WIPF3: variants seen among roughly 807,000 people sequenced by gnomAD.
WIPF3 encodes WAS/WASL-interacting protein family member 3.
A neutral mutation model predicts 38.9 loss-of-function variants in WIPF3; 33 were observed. The observed-to-expected ratio is 0.85, with a 90% CI of 0.64 to 1.14. The LOEUF is 1.14. Ranked by LOEUF, WIPF3 falls within the 50% of genes most tolerant of loss-of-function variation. The pLI, the probability that WIPF3 is intolerant of heterozygous loss-of-function variation, is 0.00. For missense variants in WIPF3, 711 were observed against 652.5 expected, an observed-to-expected ratio of 1.09 and a Z score of -0.98; for synonymous variants, 324 against 269.3, an observed-to-expected ratio of 1.20 and a Z score of -1.99.
At chr7:29,898,425 C>T (rs573203810) in intron 7 of WIPF3, among the ~76,000 whole-genome samples, 1 of 152,298 alleles carries the variant, frequency 6.6e-6, no homozygotes, top group South Asian at 2.1e-4. Flanking sequence ...TGAATTGTTG[C>T]TGGAACCTGC....
At chr7:29,834,585 A>G (rs1583595889) in intron 1 of WIPF3, 83 bp from the exon 2 acceptor site, 1 of 1,200,328 alleles carries the variant, frequency 8.3e-7, no homozygotes, top group East Asian at 3.3e-5. Context: ...AGCTGACTAT[A>G]ATATGCATGT....
intron 5 of WIPF3, among the ~76,000 whole-genome samples, chr7:29,887,278 C>T (rs1021420618): frequency 6.6e-6 from 1 of 152,186 alleles, no homozygotes; most frequent in African/African-American, 2.4e-5. Flanking sequence ...TAGTTGTGAA[C>T]ATCTTAGCAC....
At chr7:29,881,020 C>T (rs559289154) in intron 4 of WIPF3, among the ~76,000 whole-genome samples, 1 of 152,292 alleles carries the variant, frequency 6.6e-6, no homozygotes, top group South Asian at 2.1e-4. Context: ...GTTGCTGCCA[C>T]TGGGCGCTTG....
chr7:29,881,239 G>C (rs1269743009), intron 4 of WIPF3, among the ~76,000 whole-genome samples: 2 of 152,172 alleles, frequency 1.3e-5, no homozygotes, highest in Admixed American at 1.3e-4. Context: ...GGCACCACCT[G>C]ACATATCATG....
At chr7:29,812,247 A>AT (rs1209420310) in intron 1 of WIPF3, among the ~76,000 whole-genome samples, 1 of 152,194 alleles carries the variant, frequency 6.6e-6, no homozygotes, top group Non-Finnish European at 1.5e-5. Context: ...CCAGATGTGA[A>AT]TTGTAGCAGC....
chr7:29,898,537 G>T (rs146332388), intron 7 of WIPF3, among the ~76,000 whole-genome samples: 1 of 151,980 alleles, frequency 6.6e-6, no homozygotes, highest in Non-Finnish European at 1.5e-5. Context: ...TCCCCATCTC[G>T]CCCCAAGTCA....
At chr7:29,904,585 C>A in intron 8 of WIPF3, 4 of 500,662 alleles carry the variant, frequency 8.0e-6, no homozygotes, top group Non-Finnish European at 1.4e-5. Context: ...ATCACCACTA[C>A]ATATAGAAGC....
At chr7:29,869,063 C>T (rs117194953) in intron 2 of WIPF3, among the ~76,000 whole-genome samples, 2 of 151,554 alleles carry the variant, frequency 1.3e-5, no homozygotes, top group Non-Finnish European at 2.9e-5. Context: ...GAGTTTCACT[C>T]GTGTTGCCCA....
At chr7:29,846,847 C>T (rs1562776429) in intron 2 of WIPF3, among the ~76,000 whole-genome samples, 1 of 152,234 alleles carries the variant, frequency 6.6e-6, no homozygotes, top group Non-Finnish European at 1.5e-5. Flanking sequence ...GTATTAAAAA[C>T]AAAACGTGGA....
intron 1 of WIPF3, among the ~76,000 whole-genome samples, chr7:29,824,623 C>T (rs1389670153): frequency 6.6e-6 from 1 of 151,670 alleles, no homozygotes; most frequent in Non-Finnish European, 1.5e-5. Context: ...GGAGGAGGCC[C>T]AGAACACAGT....
At chr7:29,838,505 C>A (rs1349030317) in intron 2 of WIPF3, among the ~76,000 whole-genome samples, 1 of 152,050 alleles carries the variant, frequency 6.6e-6, no homozygotes, top group Non-Finnish European at 1.5e-5. Flanking sequence ...TTTTTTATGA[C>A]AGCAGATTCA....
rs528311119 is a variant in WIPF3, at chr7:29,898,010, C to T, written c.1352-6276C>T. On this transcript the variant is annotated intron_variant, in intron 7 of 8. Transcript: ENST00000242140. Reference sequence around the variant, plus strand: ...TTTTCTGCTCTTCTCTTAGCCAACACTGCCTCCACTTCCCCACCCCCTGTT... The same window carrying T: ...TTTTCTGCTCTTCTCTTAGCCAACATTGCCTCCACTTCCCCACCCCCTGTT... Among the ~76,000 whole-genome samples, 9 of 152,298 alleles carry T rather than the reference C, an allele frequency of 5.9e-5. No individual in the cohort carries two copies. In the East Asian group the frequency reaches 1.7e-3, roughly 29 times the overall value.
chr7:29,870,817 C>T (rs952671748), intron 2 of WIPF3, among the ~76,000 whole-genome samples: 4 of 152,018 alleles, frequency 2.6e-5, no homozygotes, highest in Non-Finnish European at 4.4e-5. Flanking sequence ...ATTAGCTGGG[C>T]GTGGTGGTGT....
At chr7:29,869,413 T>C (rs1009024829) in intron 2 of WIPF3, among the ~76,000 whole-genome samples, 1 of 152,220 alleles carries the variant, frequency 6.6e-6, no homozygotes. Context: ...ATTCAAGGGG[T>C]TCGCTTTACT....
At chr7:29,863,994 C>T (rs1045272629) in intron 2 of WIPF3, among the ~76,000 whole-genome samples, 2 of 152,048 alleles carry the variant, frequency 1.3e-5, no homozygotes, top group South Asian at 4.1e-4. Context: ...ATTTTTATTT[C>T]CTCCTTCCCA....
chr7:29,841,849 A>C (rs114580878), intron 2 of WIPF3, among the ~76,000 whole-genome samples: 1,889 of 152,330 alleles, frequency 0.012, 42 homozygotes, highest in African/African-American at 0.043. Flanking sequence ...AAAATTGCCC[A>C]CATGGTGTGT....
intron 2 of WIPF3, among the ~76,000 whole-genome samples, chr7:29,851,780 C>T (rs1218185832): frequency 6.6e-6 from 1 of 152,228 alleles, no homozygotes; most frequent in East Asian, 1.9e-4. Context: ...TCACATCTGC[C>T]TCATCAGTGC....
chr7:29,905,546 T>G (rs996269551), intron 8 of WIPF3: 2 of 152,100 alleles, frequency 1.3e-5, no homozygotes, highest in Non-Finnish European at 1.5e-5. Context: ...CTACTCATCC[T>G]CCACCCCCCA....
intron 7 of WIPF3, among the ~76,000 whole-genome samples, chr7:29,896,816 T>C (rs1425065379): frequency 6.6e-6 from 1 of 152,196 alleles, no homozygotes; most frequent in East Asian, 1.9e-4. Context: ...AGGTCACAAA[T>C]ATTTGTTAAC....
Sources: allele counts gnomAD v4.1 joint callset (sites outside exome capture counted in the v4.1 genomes callset), GRCh38; gene constraint gnomAD v4.1.1; transcripts MANE v1.5; gene names NCBI Gene and HGNC (gene_info 2026-07-23, HGNC 2026-07-21).